The following SLC44A1 variants were observed in gnomAD, a reference collection of about 807,000 sequenced individuals.
SLC44A1 encodes choline transporter-like protein 1.
Under a neutral mutation model 79.3 loss-of-function variants are expected in SLC44A1, and 26 were observed. The ratio of observed to expected loss-of-function variants is 0.33; its 90% confidence interval spans 0.24 to 0.46. SLC44A1 has a LOEUF of 0.46. SLC44A1 is among the 20% of genes least tolerant of loss of function. The pLI is 1.00. For synonymous variants in SLC44A1, 263 were observed against 286.2 expected, an observed-to-expected ratio of 0.92 and a Z score of 0.82; for missense variants, 688 against 798.1, an observed-to-expected ratio of 0.86 and a Z score of 1.66.
chr9:105,310,475 G>A (rs1265029760), intron 3 of SLC44A1, among the ~76,000 whole-genome samples: 5 of 152,054 alleles, frequency 3.3e-5, no homozygotes, highest in Non-Finnish European at 5.9e-5. Context: ...ATTTCATCTA[G>A]CATATTTTAT....
chr9:105,364,475 C>CT, intron 9 of SLC44A1, 80 bp from the exon 10 acceptor site: 1 of 1,214,768 alleles, frequency 8.2e-7, no homozygotes, highest in Non-Finnish European at 1.2e-6. Context: ...GGGTAGGGAC[C>CT]TATTGCCTTC....
intron 2 of SLC44A1, among the ~76,000 whole-genome samples, chr9:105,308,053 T>A (rs1025474238): frequency 6.6e-6 from 1 of 152,232 alleles, no homozygotes; most frequent in Non-Finnish European, 1.5e-5. Flanking sequence ...TTATTTCATG[T>A]AATTCTCATA....
At chr9:105,382,036 A>G (rs1828482989) in intron 13 of SLC44A1, among the ~76,000 whole-genome samples, 1 of 151,350 alleles carries the variant, frequency 6.6e-6, no homozygotes, top group Non-Finnish European at 1.5e-5. Context: ...AATTCAGTAG[A>G]ATCCATTACT....
chr9:105,425,324 A>G (rs556034113), intron 15 of SLC44A1, among the ~76,000 whole-genome samples: 1 of 152,372 alleles, frequency 6.6e-6, no homozygotes, highest in East Asian at 1.9e-4. Flanking sequence ...AGGGGGAAAC[A>G]GGTATTAACC....
At chr9:105,398,955 A>T (rs1385461989), downstream of SLC44A1, among the ~76,000 whole-genome samples, 3 of 152,198 alleles carry the variant, frequency 2.0e-5, no homozygotes, top group Non-Finnish European at 4.4e-5. Context: ...AATCGCACAC[A>T]CAAAAAATCT....
intron 5 of SLC44A1, among the ~76,000 whole-genome samples, chr9:105,350,141 CATGCTGTGTTT>C (rs1385084364): frequency 6.6e-6 from 1 of 152,156 alleles, no homozygotes; most frequent in African/African-American, 2.4e-5. Context: ...AAACTGACGG[CATGCTGTGTTT>C]ATGCTGTGTT....
Position 105,393,446 on chromosome 9 carries a change from C to G in SLC44A1, c.*4390C>G. On this transcript the variant is annotated 3_prime_UTR_variant, in exon 16 of 16. Coordinates refer to ENST00000374720, the MANE Select transcript of SLC44A1 (RefSeq NM_080546.5). ...ACAGTTATGAATTTAGAATAGCACACTTTTTCCATTCAGATTTCATACATT... is the reference window on the plus strand; with the variant it reads ...ACAGTTATGAATTTAGAATAGCACAGTTTTTCCATTCAGATTTCATACATT... 1 of 984,388 alleles carries G rather than the reference C, an allele frequency of 1.0e-6. No individual in the cohort carries two copies. The highest frequency in any genetic ancestry group is 1.2e-6 in the Non-Finnish European group (1 of 829,034). 61.0% of individuals were successfully genotyped at this position (984,388 alleles called of 1,614,324 possible).
chr9:105,313,754 T>TATC (rs1376998185), intron 3 of SLC44A1, among the ~76,000 whole-genome samples: 1 of 152,022 alleles, frequency 6.6e-6, no homozygotes, highest in Non-Finnish European at 1.5e-5. Flanking sequence ...AAAAAATTAT[T>TATC]ATCATTATTA....
At chr9:105,365,062 T>A (rs1264533378) in intron 10 of SLC44A1, among the ~76,000 whole-genome samples, 6 of 152,232 alleles carry the variant, frequency 3.9e-5, no homozygotes, top group African/African-American at 1.4e-4. Flanking sequence ...TTAGTTTGTT[T>A]AGACCGGAAC....
intron 1 of SLC44A1, among the ~76,000 whole-genome samples, chr9:105,258,278 C>T (rs372550752): frequency 6.6e-5 from 10 of 152,170 alleles, no homozygotes; most frequent in Admixed American, 2.0e-4. Flanking sequence ...TACCTCCAGG[C>T]GGTATTTTCC....
chr9:105,436,780 G>T (rs544347646), intron 15 of SLC44A1, among the ~76,000 whole-genome samples: 1 of 152,210 alleles, frequency 6.6e-6, no homozygotes, highest in African/African-American at 2.4e-5. Flanking sequence ...AGCAATAAGT[G>T]GCACGTACTA....
chr9:105,271,040 CT>C (rs1374098210), intron 1 of SLC44A1, among the ~76,000 whole-genome samples: 1 of 152,214 alleles, frequency 6.6e-6, no homozygotes, highest in African/African-American at 2.4e-5. Context: ...TTGATGCCAT[CT>C]ATGTAATCAG....
At chr9:105,405,164 AC>A (rs1161590847) in intron 15 of SLC44A1, among the ~76,000 whole-genome samples, 1 of 152,060 alleles carries the variant, frequency 6.6e-6, no homozygotes, top group African/African-American at 2.4e-5. Flanking sequence ...TACTAAAAAT[AC>A]AAAAAATTAG....
intron 12 of SLC44A1, among the ~76,000 whole-genome samples, chr9:105,373,253 A>G (rs1828169617): frequency 6.6e-6 from 1 of 152,174 alleles, no homozygotes; most frequent in Admixed American, 6.5e-5. Flanking sequence ...GGACCTAGAA[A>G]CAATTTAAGT....
chr9:105,303,197 A>T (rs1287673427), intron 2 of SLC44A1, among the ~76,000 whole-genome samples: 1 of 152,082 alleles, frequency 6.6e-6, no homozygotes, highest in East Asian at 1.9e-4. Context: ...TTATTAGTAG[A>T]TACCTGATTA....
intron 2 of SLC44A1, among the ~76,000 whole-genome samples, chr9:105,300,888 T>TA (rs1830860818): frequency 6.6e-6 from 1 of 151,768 alleles, no homozygotes; most frequent in South Asian, 2.1e-4. Flanking sequence ...TGATTCTCCT[T>TA]ACACAGCCTC....
At chr9:105,370,804 G>C (rs1422923371) in intron 12 of SLC44A1, among the ~76,000 whole-genome samples, 2 of 152,194 alleles carry the variant, frequency 1.3e-5, no homozygotes, top group Admixed American at 6.5e-5. Context: ...TTAGTTAAGA[G>C]TGAGTTGTTC....
chr9:105,266,722 T>TTATG (rs1230035147), intron 1 of SLC44A1, among the ~76,000 whole-genome samples: 1 of 152,242 alleles, frequency 6.6e-6, no homozygotes, highest in Non-Finnish European at 1.5e-5. Context: ...ATAGTATATA[T>TTATG]TGAAATCAGG....
chr9:105,281,153 G>A (rs1212178292), intron 1 of SLC44A1, among the ~76,000 whole-genome samples: 1 of 152,220 alleles, frequency 6.6e-6, no homozygotes, highest in African/African-American at 2.4e-5. Context: ...TCTCAGTAGA[G>A]AAATCCCTGT....
Sources: gnomAD v4.1 joint callset for allele counts (sites outside exome capture counted in the v4.1 genomes callset) on GRCh38, gnomAD v4.1.1 for gene constraint, MANE v1.5 for transcripts, NCBI Gene and HGNC (gene_info 2026-07-23, HGNC 2026-07-21) for gene names.